SMYD3: variants seen among roughly 807,000 people sequenced by gnomAD.
SMYD3 encodes the protein SET and MYND domain containing 3.
A neutral mutation model predicts 57.7 loss-of-function variants in SMYD3; 36 were observed. The ratio of observed to expected loss-of-function variants is 0.62; its 90% CI spans 0.48 to 0.82. The LOEUF is 0.82. Among genes scored for constraint, SMYD3 ranks in the 40% least tolerant of loss-of-function variants. SMYD3 has a pLI of 0.00. For synonymous variants in SMYD3, 211 were observed against 195.0 expected, an observed-to-expected ratio of 1.08 and a Z score of -0.68; for missense variants, 515 against 538.8, an observed-to-expected ratio of 0.96 and a Z score of 0.44.
chr1:246,311,976 G>A (rs1350979153), intron 5 of SMYD3, among the ~76,000 whole-genome samples: 4 of 152,138 alleles, frequency 2.6e-5, no homozygotes, highest in East Asian at 3.8e-4. Context: ...ACAATGCAAC[G>A]TGAAGGAATG....
At position 246,183,307 on chromosome 1, in the gene SMYD3, T is replaced by C. The variant is rs146626540; in HGVS notation, c.531+143894A>G. 2.0e-3 allele frequency among the ~76,000 whole-genome samples: 307 copies of C among 151,886 alleles called. 4 individuals carry two copies. Among genetic ancestry groups the C allele is most frequent in the African/African-American group, 6.5e-3 (269 of 41,466 alleles). ...ATAACGAGAAACTACAAAGAAAACA[T>C]CAACTGCGTCTTCAAAGCATTTTCA... On this transcript the variant is annotated intron_variant, in intron 5 of 11. Transcript: ENST00000490107.
rs569585657 is a variant in SMYD3 at position 245,799,503 on chromosome 1, G to A, written c.1077-35354C>T. ...ATGAACACTAAATGGACTCGAATGC[G>A]TGAAGTCTGAGATATCATGACAAGA... On this transcript the variant is annotated intron_variant, in intron 10 of 11. Transcript: ENST00000490107. Among the ~76,000 whole-genome samples, 216 of 65,598 alleles carry A rather than the reference G, an allele frequency of 3.3e-3. 1 individual carries two copies. Among genetic ancestry groups the A allele is most frequent in the Admixed American group, 8.1e-3 (57 of 6,994 alleles). 43.0% of individuals were successfully genotyped at this position (65,598 alleles called of 152,430 possible).
At chr1:246,039,496 A>G (rs1045011026) in intron 5 of SMYD3, among the ~76,000 whole-genome samples, 11 of 152,246 alleles carry the variant, frequency 7.2e-5, no homozygotes, top group African/African-American at 2.4e-4. Flanking sequence ...TAATAAGTCT[A>G]ACACCTGTGA....
chr1:245,966,663 T>C (rs1056908364), intron 5 of SMYD3, among the ~76,000 whole-genome samples: 10 of 152,206 alleles, frequency 6.6e-5, no homozygotes, highest in African/African-American at 2.4e-4. Context: ...ACCAGAGTGC[T>C]CAAGATCTGG....
chr1:245,793,145 T>C (rs995952995), intron 10 of SMYD3, among the ~76,000 whole-genome samples: 6 of 147,582 alleles, frequency 4.1e-5, no homozygotes, highest in African/African-American at 1.5e-4. Flanking sequence ...CCGTCTCTAC[T>C]AAAAATACAA....
At chr1:246,226,194 A>G (rs1245129868) in intron 5 of SMYD3, among the ~76,000 whole-genome samples, 5 of 152,230 alleles carry the variant, frequency 3.3e-5, no homozygotes, top group Non-Finnish European at 7.3e-5. Context: ...CAGAAGAAGA[A>G]GAGGAACTAA....
At chr1:246,148,883 C>A (rs753372176) in intron 5 of SMYD3, among the ~76,000 whole-genome samples, 1 of 152,240 alleles carries the variant, frequency 6.6e-6, no homozygotes, top group African/African-American at 2.4e-5. Context: ...GGCAGAGTTA[C>A]TGCAGCACTT....
intron 8 of SMYD3, among the ~76,000 whole-genome samples, chr1:245,872,328 C>T (rs1042927792): frequency 4.6e-5 from 7 of 152,180 alleles, no homozygotes; most frequent in Non-Finnish European, 5.9e-5. Context: ...CTTGCATCCT[C>T]GCAAGAGCCC....
At chr1:246,126,977 T>A (rs1572071374) in intron 5 of SMYD3, among the ~76,000 whole-genome samples, 1 of 152,142 alleles carries the variant, frequency 6.6e-6, no homozygotes, top group African/African-American at 2.4e-5. Flanking sequence ...CAAAACACAT[T>A]ACAAAGATGC....
At chr1:246,455,584 A>G (rs1443648341) in intron 1 of SMYD3, among the ~76,000 whole-genome samples, 2 of 152,252 alleles carry the variant, frequency 1.3e-5, no homozygotes, top group African/African-American at 4.8e-5. Flanking sequence ...ATACTATAGA[A>G]AAGCCAGATA....
At chr1:246,164,653 C>T (rs868019137) in intron 5 of SMYD3, among the ~76,000 whole-genome samples, 2 of 152,166 alleles carry the variant, frequency 1.3e-5, no homozygotes, top group African/African-American at 4.8e-5. Flanking sequence ...TTTGGGTGAG[C>T]CACTTGTTTT....
intron 1 of SMYD3, among the ~76,000 whole-genome samples, chr1:246,408,093 T>C (rs1398194691): frequency 1.3e-5 from 2 of 151,960 alleles, no homozygotes; most frequent in African/African-American, 2.4e-5. Context: ...ATGAGGACTC[T>C]GCCTTCCTGA....
At chr1:246,053,636 A>C (rs2060100073) in intron 5 of SMYD3, among the ~76,000 whole-genome samples, 1 of 152,186 alleles carries the variant, frequency 6.6e-6, no homozygotes, top group Admixed American at 6.5e-5. Context: ...CTTATGCCAT[A>C]ACATATTCAA....
At chr1:245,985,681 CCTT>C (rs1159940337) in intron 5 of SMYD3, among the ~76,000 whole-genome samples, 1 of 152,148 alleles carries the variant, frequency 6.6e-6, no homozygotes, top group Non-Finnish European at 1.5e-5. Context: ...CTAGTCACCT[CCTT>C]CTCATATTTT....
intron 1 of SMYD3, among the ~76,000 whole-genome samples, chr1:246,453,161 A>G (rs1233430494): frequency 6.6e-6 from 1 of 152,248 alleles, no homozygotes; most frequent in African/African-American, 2.4e-5. Flanking sequence ...AGAGCAAGGC[A>G]CAGAGAACAT....
chr1:246,408,545 T>C (rs1475386515), intron 1 of SMYD3, among the ~76,000 whole-genome samples: 1 of 152,050 alleles, frequency 6.6e-6, no homozygotes, highest in Non-Finnish European at 1.5e-5. Context: ...AGCTTTCTGG[T>C]GAGGGAATTA....
At chr1:245,966,887 C>T (rs192346353) in intron 5 of SMYD3, among the ~76,000 whole-genome samples, 5 of 152,178 alleles carry the variant, frequency 3.3e-5, no homozygotes, top group Non-Finnish European at 7.4e-5. Context: ...CCTATCCCCC[C>T]TCAGGACCTC....
At chr1:245,989,223 A>C (rs2058765919) in intron 5 of SMYD3, among the ~76,000 whole-genome samples, 1 of 152,132 alleles carries the variant, frequency 6.6e-6, no homozygotes, top group African/African-American at 2.4e-5. Flanking sequence ...TTCTCTTCTT[A>C]AGAAATCCTG....
intron 1 of SMYD3, among the ~76,000 whole-genome samples, chr1:246,361,582 G>A (rs1191776215): frequency 6.6e-6 from 1 of 152,052 alleles, no homozygotes; most frequent in Non-Finnish European, 1.5e-5. Flanking sequence ...AGAAAATGTG[G>A]TATATATATA....
Sources: allele counts gnomAD v4.1 joint callset (sites outside exome capture counted in the v4.1 genomes callset), GRCh38; gene constraint gnomAD v4.1.1; transcripts MANE v1.5; gene names NCBI Gene and HGNC (gene_info 2026-07-23, HGNC 2026-07-21).